The following OCA2 variants were observed in gnomAD, a reference collection of about 807,000 sequenced individuals.
The protein encoded by OCA2 is P protein.
Under a neutral mutation model 100.2 loss-of-function variants are expected in OCA2, and 77 were observed. The observed-to-expected ratio is 0.77, with a 90% CI of 0.64 to 0.93. The LOEUF (loss-of-function observed/expected upper bound fraction) is 0.93, where lower values mean the gene tolerates loss of function less well. Ranked by LOEUF, OCA2 falls within the 40% of genes least tolerant of loss-of-function variation. OCA2 has a pLI of 0.00. For synonymous variants in OCA2, 432 were observed against 439.2 expected, an observed-to-expected ratio of 0.98 and a Z score of 0.21; for missense variants, 1,062 against 1,089.1, an observed-to-expected ratio of 0.98 and a Z score of 0.35.
At chr15:27,954,711 A>AAC (rs1377642736) in intron 17 of OCA2, among the ~76,000 whole-genome samples, 1 of 151,500 alleles carries the variant, frequency 6.6e-6, no homozygotes, top group African/African-American at 2.4e-5. Context: ...AAAAAACAAA[A>AAC]CAAAAGAAAA....
intron 23 of OCA2, among the ~76,000 whole-genome samples, chr15:27,776,167 A>G (rs1165468856): frequency 6.6e-6 from 1 of 152,198 alleles, no homozygotes; most frequent in Non-Finnish European, 1.5e-5. Context: ...CCATTTTAAA[A>G]TAGTTTCTCC....
chr15:27,785,040 G>T (rs951451457), intron 23 of OCA2, among the ~76,000 whole-genome samples: 1 of 151,894 alleles, frequency 6.6e-6, no homozygotes, highest in African/African-American at 2.4e-5. Context: ...ACCAAACCAA[G>T]GTATGCCATA....
At chr15:27,770,876 TCC>T (rs2031738214) in intron 23 of OCA2, among the ~76,000 whole-genome samples, 1 of 64,488 alleles carries the variant, frequency 1.6e-5, no homozygotes, top group African/African-American at 6.3e-5. Flanking sequence ...CTTCCCTCCT[TCC>T]TTTGCTCCTT....
At chr15:27,961,107 A>C (rs1356031598) in intron 15 of OCA2, among the ~76,000 whole-genome samples, 1 of 152,156 alleles carries the variant, frequency 6.6e-6, no homozygotes, top group Non-Finnish European at 1.5e-5. Flanking sequence ...AATTTACAAG[A>C]AAAAAACAAC....
intron 23 of OCA2, among the ~76,000 whole-genome samples, chr15:27,837,350 T>C (rs1237614832): frequency 6.6e-6 from 1 of 152,202 alleles, no homozygotes; most frequent in East Asian, 1.9e-4. Context: ...CATCACTGCA[T>C]CTGCTCACAA....
intron 19 of OCA2, among the ~76,000 whole-genome samples, chr15:27,919,147 T>C (rs2038772124): frequency 6.6e-6 from 1 of 152,064 alleles, no homozygotes; most frequent in Non-Finnish European, 1.5e-5. Flanking sequence ...AGGTATTGGG[T>C]AGTAAAGACA....
intron 2 of OCA2, among the ~76,000 whole-genome samples, chr15:28,073,314 T>C (rs2044323520): frequency 1.3e-5 from 2 of 152,164 alleles, no homozygotes; most frequent in Non-Finnish European, 2.9e-5. Context: ...CTTGGGAGGC[T>C]GAGGCGAGGT....
the OCA2 span, among the ~76,000 whole-genome samples, chr15:27,719,422 A>C: frequency 6.6e-6 from 1 of 152,122 alleles, no homozygotes; most frequent in African/African-American, 2.4e-5. Flanking sequence ...CCAGATACCT[A>C]AATGCTTTCC....
intron 19 of OCA2, among the ~76,000 whole-genome samples, chr15:27,887,309 C>G (rs1005679204): frequency 1.3e-5 from 2 of 151,412 alleles, no homozygotes; most frequent in Non-Finnish European, 2.9e-5. Context: ...TTTCATCCCT[C>G]AAAATCAGCA....
At chr15:27,942,192 C>CATATTATATATTACTATATATAATATATG (rs2039670445) in intron 18 of OCA2, among the ~76,000 whole-genome samples, 1 of 148,224 alleles carries the variant, frequency 6.7e-6, no homozygotes, top group Non-Finnish European at 1.5e-5. Flanking sequence ...AATTGTGATA[C>CATATTATATATTACTATATATAATATATG]ATATTATATA....
intron 23 of OCA2, among the ~76,000 whole-genome samples, chr15:27,779,392 G>A (rs2032417254): frequency 1.3e-5 from 2 of 152,156 alleles, no homozygotes; most frequent in Admixed American, 1.3e-4. Context: ...ATTGCTGTCT[G>A]TGTCTCCCTT....
chr15:27,848,438 T>C (rs1467135650), intron 22 of OCA2, among the ~76,000 whole-genome samples: 1 of 152,128 alleles, frequency 6.6e-6, no homozygotes, highest in African/African-American at 2.4e-5. Flanking sequence ...ATGGGCTCCA[T>C]GTGGTAGGGA....
chr15:28,033,057 C>T (rs2042953833), intron 2 of OCA2, among the ~76,000 whole-genome samples: 1 of 152,216 alleles, frequency 6.6e-6, no homozygotes, highest in Non-Finnish European at 1.5e-5. Flanking sequence ...TCCTCCACCA[C>T]ACTGGCCTGC....
At chr15:27,983,645 C>A (rs1315221011) in intron 13 of OCA2, among the ~76,000 whole-genome samples, 162 bp from the exon 14 acceptor site, 1 of 152,186 alleles carries the variant, frequency 6.6e-6, no homozygotes, top group Non-Finnish European at 1.5e-5. Flanking sequence ...ACAACTGCAA[C>A]AACCCCCGCA....
chr15:27,913,944 A>T (rs79359707), intron 19 of OCA2, among the ~76,000 whole-genome samples: 2 of 148,220 alleles, frequency 1.3e-5, no homozygotes, highest in East Asian at 4.0e-4. Flanking sequence ...AGAAAGAAAA[A>T]AATTTCAGGC....
chr15:27,748,651 C>T, the OCA2 span, among the ~76,000 whole-genome samples: 31 of 152,100 alleles, frequency 2.0e-4, no homozygotes, highest in East Asian at 2.1e-3. Context: ...TGCAATGATC[C>T]GGAAAATTAA....
chr15:27,732,439 G>T, the OCA2 span, among the ~76,000 whole-genome samples: 3 of 152,138 alleles, frequency 2.0e-5, no homozygotes, highest in African/African-American at 7.2e-5. Context: ...CACAGTGCTC[G>T]CAAAGCCACG....
chr15:27,772,950 TATTA>T (rs1313729370), intron 23 of OCA2, among the ~76,000 whole-genome samples: 2 of 152,306 alleles, frequency 1.3e-5, no homozygotes, highest in East Asian at 1.9e-4. Flanking sequence ...GTGAAGTTTC[TATTA>T]ATTTCCCCTT....
chr15:28,095,267 C>T (rs1199565005), intron 1 of OCA2, among the ~76,000 whole-genome samples: 1 of 152,150 alleles, frequency 6.6e-6, no homozygotes, highest in Non-Finnish European at 1.5e-5. Flanking sequence ...AGTGGCCCAG[C>T]CAGGCCGCCC....
Sources: allele counts gnomAD v4.1 joint callset (sites outside exome capture counted in the v4.1 genomes callset), GRCh38; gene constraint gnomAD v4.1.1; transcripts MANE v1.5; gene names NCBI Gene and HGNC (gene_info 2026-07-23, HGNC 2026-07-21).